Variants in FRAS1 observed in about 807,000 individuals in gnomAD.
FRAS1 encodes extracellular matrix organizing protein FRAS1.
FRAS1 carries 290 observed loss-of-function variants against 435.2 expected under a neutral mutation model. The observed-to-expected ratio is 0.67, with a 90% CI of 0.61 to 0.73. The LOEUF is 0.73. Among genes scored for constraint, FRAS1 ranks in the 30% least tolerant of loss-of-function variants. FRAS1 has a pLI of 0.00. For missense variants in FRAS1, 4,860 were observed against 5,001.5 expected, an observed-to-expected ratio of 0.97 and a Z score of 0.85; for synonymous variants, 1,800 against 1,851.0, an observed-to-expected ratio of 0.97 and a Z score of 0.71.
intron 59 of FRAS1, among the ~76,000 whole-genome samples, chr4:78,495,984 G>A (rs375152875): frequency 6.6e-5 from 10 of 152,102 alleles, no homozygotes; most frequent in African/African-American, 2.2e-4. Flanking sequence ...ACCATTTAGC[G>A]TGACTTAGGA....
intron 2 of FRAS1, among the ~76,000 whole-genome samples, chr4:78,087,530 G>A (rs142243362): frequency 1.1e-4 from 17 of 152,060 alleles, no homozygotes; most frequent in Admixed American, 1.3e-4. Flanking sequence ...AAAACCCCAT[G>A]GTCTCAGCCC....
chr4:78,397,064 T>A (rs746621169), intron 29 of FRAS1, among the ~76,000 whole-genome samples: 13 of 151,546 alleles, frequency 8.6e-5, no homozygotes, highest in Non-Finnish European at 1.9e-4. Flanking sequence ...GCCACTGGAG[T>A]TTTATTTTGT....
intron 29 of FRAS1, among the ~76,000 whole-genome samples, chr4:78,390,026 T>C (rs893146854): frequency 2.0e-5 from 3 of 152,136 alleles, no homozygotes; most frequent in Admixed American, 1.3e-4. Context: ...TGCCCATGGA[T>C]TGGAATAATG....
At chr4:78,310,837 G>C (rs778549162) in intron 15 of FRAS1, among the ~76,000 whole-genome samples, 1 of 152,188 alleles carries the variant, frequency 6.6e-6, no homozygotes, top group Non-Finnish European at 1.5e-5. Context: ...TCAAGATAAA[G>C]ACCGGCTGGT....
chr4:78,522,996 A>T (rs912579138), intron 69 of FRAS1, among the ~76,000 whole-genome samples, 188 bp downstream of exon 69: 4 of 152,106 alleles, frequency 2.6e-5, no homozygotes, highest in Admixed American at 2.6e-4. Context: ...GATCACTTGA[A>T]CTCAGGAGTG....
At chr4:78,286,900 T>G (rs1727633842) in intron 14 of FRAS1, among the ~76,000 whole-genome samples, 1 of 152,192 alleles carries the variant, frequency 6.6e-6, no homozygotes, top group Non-Finnish European at 1.5e-5. Context: ...ACTTGGCCAT[T>G]TTTTCAATAG....
At chr4:78,307,350 T>G (rs548152412) in intron 14 of FRAS1, among the ~76,000 whole-genome samples, 3 of 152,198 alleles carry the variant, frequency 2.0e-5, no homozygotes, top group African/African-American at 7.2e-5. Flanking sequence ...AGGTGGAGCC[T>G]ATAGAGGCAG....
At chr4:78,416,877 G>A (rs571217335) in intron 32 of FRAS1, among the ~76,000 whole-genome samples, 76 of 152,240 alleles carry the variant, frequency 5.0e-4, no homozygotes, top group African/African-American at 1.7e-3. Context: ...AGAGACTGTG[G>A]CCCTCAGCAG....
Position 78,387,616 on chromosome 4 carries a change from A to G in FRAS1, c.3890A>G (p.Asp1297Gly). The change falls in exon 29 of 74, where the codon GAC becomes GGC. Residue 1297 changes from aspartate to glycine, a missense_variant. Physicochemically the swap from Asp to Gly is moderately conservative, Grantham distance 94. Transcript: ENST00000512123. ...CTCCACTATGCTCATGATGGTTCAGACAGCACATCCGATGTTGCAGTCTTG... is the reference window on the plus strand; with the variant it reads ...CTCCACTATGCTCATGATGGTTCAGGCAGCACATCCGATGTTGCAGTCTTG... ...GLLHYAHDGS[D>G]STSDVAVLQA... 1 of 1,612,144 alleles carries G rather than the reference A, an allele frequency of 6.2e-7. No individual in the cohort carries two copies. The highest frequency in any genetic ancestry group is 1.1e-5 in the South Asian group (1 of 90,856).
At chr4:78,383,897 T>G (rs1732117657) in intron 27 of FRAS1, among the ~76,000 whole-genome samples, 162 bp from the exon 28 acceptor site, 1 of 152,204 alleles carries the variant, frequency 6.6e-6, no homozygotes, top group African/African-American at 2.4e-5. Flanking sequence ...ATGTTCATCT[T>G]TATCTGGTAG....
intron 52 of FRAS1, among the ~76,000 whole-genome samples, chr4:78,472,638 T>C (rs1719743590): frequency 2.0e-5 from 3 of 152,128 alleles, no homozygotes. Flanking sequence ...TTAAAAACAA[T>C]AACAACAAGA....
In FRAS1 at chr4:78,432,592, C is replaced by T. The variant is rs533608491; in HGVS notation, c.5205C>T (p.His1735=). 3.0e-5 allele frequency: 48 copies of T among 1,581,934 alleles called. No individual in the cohort carries two copies. The African/African-American group carries it at 4.4e-4, about 15-fold the overall frequency. The stretch of plus-strand genomic sequence containing the variant: ...GCACAGCCATAATCACTAGGTCACA[C>T]CTTGCTTACGTGGTAAGTTCTTCCA... ...SKSTAIITRS[H]LAYVDDSSPD... is the part of the protein sequence containing the mutation. Residue 1735 remains histidine, a synonymous_variant, in exon 38 of 74, where the codon CAC becomes CAT. Coordinates refer to ENST00000512123, the MANE Select transcript of FRAS1 (RefSeq NM_025074.7).
intron 2 of FRAS1, among the ~76,000 whole-genome samples, chr4:78,219,539 A>T (rs1174538092): frequency 2.6e-5 from 4 of 152,202 alleles, no homozygotes; most frequent in African/African-American, 7.2e-5. Flanking sequence ...AGTGTATTTT[A>T]AAAAAGCTTT....
At chr4:78,122,994 G>A (rs1194410420) in intron 2 of FRAS1, among the ~76,000 whole-genome samples, 1 of 152,088 alleles carries the variant, frequency 6.6e-6, no homozygotes, top group East Asian at 1.9e-4. Flanking sequence ...GATCCCATTT[G>A]TCAATTTTGG....
At chr4:78,276,940 C>T (rs991462605) in intron 9 of FRAS1, among the ~76,000 whole-genome samples, 1 of 152,202 alleles carries the variant, frequency 6.6e-6, no homozygotes, top group Non-Finnish European at 1.5e-5. Context: ...AGGCAGGCCT[C>T]CTTGAGCTGC....
chr4:78,419,182 A>G (rs539830052), intron 33 of FRAS1, 119 bp downstream of exon 33: 287 of 569,368 alleles, frequency 5.0e-4, no homozygotes, highest in Non-Finnish European at 7.5e-4. Context: ...TGAGGTTTCA[A>G]GGAATAATGA....
At chr4:78,453,395 A>G (rs574533279) in intron 47 of FRAS1, among the ~76,000 whole-genome samples, 3 of 152,328 alleles carry the variant, frequency 2.0e-5, no homozygotes, top group Non-Finnish European at 2.9e-5. Flanking sequence ...TAAGCATTCA[A>G]TAGACATTTG....
chr4:78,374,118 C>A lies in FRAS1; in HGVS notation c.3018C>A (p.Asp1006Glu). 6.3e-7 allele frequency: 1 copy of A among 1,579,704 alleles called. No homozygotes were observed. The highest frequency in any genetic ancestry group is 8.7e-7 in the Non-Finnish European group (1 of 1,155,178). The change falls in exon 25 of 74, where the codon GAC becomes GAA. Residue 1006 changes from aspartate to glutamate, a missense_variant. By Grantham distance (45) the Asp-to-Glu change is conservative. Coordinates refer to ENST00000512123, the MANE Select transcript of FRAS1 (RefSeq NM_025074.7). ...YQDSGLCKNC[D>E]SYCLQCQGPH... is the part of the protein sequence containing the mutation. ...TTGACTTTTGTCTTTCAGACTGTGA[C>A]AGCTACTGTCTCCAGTGCCAAGGTC...
intron 29 of FRAS1, among the ~76,000 whole-genome samples, chr4:78,391,729 G>A (rs540812966): frequency 6.4e-4 from 98 of 152,246 alleles, no homozygotes; most frequent in African/African-American, 2.2e-3. Context: ...GAACTGGATG[G>A]AAAATTCTAT....
Sources: allele counts gnomAD v4.1 joint callset (sites outside exome capture counted in the v4.1 genomes callset), GRCh38; gene constraint gnomAD v4.1.1; transcripts MANE v1.5; gene names NCBI Gene and HGNC (gene_info 2026-07-23, HGNC 2026-07-21).